NRXN3: variants seen among roughly 807,000 people sequenced by gnomAD.
NRXN3 encodes neurexin 3.
A neutral mutation model predicts 137.6 loss-of-function variants in NRXN3; 32 were observed. The ratio of observed to expected loss-of-function variants is 0.23; its 90% CI spans 0.18 to 0.31. NRXN3 has a LOEUF of 0.31. NRXN3 is among the 10% of genes least tolerant of loss of function. The probability of loss-of-function intolerance (pLI) is 1.00; values close to 1 mark genes in which losing one functional copy is unlikely to be tolerated. For missense variants in NRXN3, 1,574 were observed against 2,062.5 expected (o/e 0.76, Z 4.59); for synonymous variants, 798 against 784.5 (o/e 1.02, Z -0.29).
intron 14 of NRXN3, chr14:78,972,744 T>G (rs1013967738): frequency 6.6e-6 from 1 of 152,520 alleles, no homozygotes; most frequent in Non-Finnish European, 1.5e-5. Context: ...CTGGTGAACC[T>G]GTAGAGCATT....
At chr14:79,301,862 A>G (rs1386399056) in intron 15 of NRXN3, among the ~76,000 whole-genome samples, 1 of 151,932 alleles carries the variant, frequency 6.6e-6, no homozygotes, top group Non-Finnish European at 1.5e-5. Context: ...TGAAATAGGG[A>G]AACTGAGATG....
At chr14:78,399,222 T>A (rs896537858) in intron 4 of NRXN3, among the ~76,000 whole-genome samples, 2 of 152,172 alleles carry the variant, frequency 1.3e-5, no homozygotes, top group African/African-American at 4.8e-5. Context: ...TTTCTTATGG[T>A]TGTTTTATAT....
At chr14:78,715,622 T>G (rs183039658) in intron 8 of NRXN3, among the ~76,000 whole-genome samples, 4 of 151,978 alleles carry the variant, frequency 2.6e-5, no homozygotes, top group Non-Finnish European at 5.9e-5. Flanking sequence ...ACATGGTGAG[T>G]TTTATAAGAG....
At chr14:78,676,918 C>G (rs2152730845) in intron 6 of NRXN3, among the ~76,000 whole-genome samples, 1 of 152,222 alleles carries the variant, frequency 6.6e-6, no homozygotes, top group South Asian at 2.1e-4. Flanking sequence ...TGGATGAGAG[C>G]CCATCTGTTT....
intron 10 of NRXN3, among the ~76,000 whole-genome samples, chr14:78,878,932 T>C (rs1226881482): frequency 9.9e-5 from 15 of 152,090 alleles, no homozygotes; most frequent in Non-Finnish European, 1.9e-4. Context: ...TTAGATTTCA[T>C]ATATAAGCGA....
intron 15 of NRXN3, among the ~76,000 whole-genome samples, chr14:79,276,908 G>A (rs1158206227): frequency 2.0e-5 from 3 of 152,148 alleles, no homozygotes; most frequent in South Asian, 2.1e-4. Flanking sequence ...TACTGAGCCC[G>A]TATGATGTGC....
At chr14:79,341,334 G>C (rs1308660310) in intron 15 of NRXN3, among the ~76,000 whole-genome samples, 1 of 152,146 alleles carries the variant, frequency 6.6e-6, no homozygotes, top group African/African-American at 2.4e-5. Flanking sequence ...ATGGTAATGA[G>C]GGTAGGTGTG....
At chr14:78,846,103 C>T (rs1467003266) in intron 10 of NRXN3, among the ~76,000 whole-genome samples, 2 of 152,072 alleles carry the variant, frequency 1.3e-5, no homozygotes, top group Non-Finnish European at 2.9e-5. Context: ...TACTCATAAA[C>T]ATCCTATCTG....
chr14:78,918,105 G>T (rs1222142478), intron 10 of NRXN3, among the ~76,000 whole-genome samples: 1 of 151,356 alleles, frequency 6.6e-6, no homozygotes, highest in Non-Finnish European at 1.5e-5. Context: ...GACAAACATG[G>T]AGAAACCTCG....
chr14:78,894,277 T>G (rs898540424), intron 10 of NRXN3, among the ~76,000 whole-genome samples: 1 of 151,980 alleles, frequency 6.6e-6, no homozygotes. Context: ...TGCAGGTGCT[T>G]TATCAACTGA....
In NRXN3 at chr14:79,617,916, G is replaced by GAAAAAAAAAAAAAAAAAAAAAAAA. The variant is rs2098175722; in HGVS notation, c.3445-45862_3445-45861insAAAAAAAAAAAAAAAAAAAAAAAA. 3.1e-5 allele frequency among the ~76,000 whole-genome samples: 2 copies of GAAAAAAAAAAAAAAAAAAAAAAAA among 64,302 alleles called. 1 individual carries two copies. Among genetic ancestry groups the GAAAAAAAAAAAAAAAAAAAAAAAA allele is most frequent in the African/African-American group, 5.1e-4 (2 of 3,918 alleles). The allele number at this position is 64,302 out of a possible 152,430, so 42.2% of individuals were successfully genotyped here. On this transcript the variant is annotated intron_variant, in intron 16 of 20. Coordinates refer to ENST00000335750, the MANE Select transcript of NRXN3 (RefSeq NM_001330195.2). The stretch of plus-strand genomic sequence containing the variant: ...ATTCAGAGATAGGAGCTGAATAGCA[G>GAAAAAAAAAAAAAAAAAAAAAAAA]CAAAAAAAAAAAAAAACATGCTTAT...
chr14:79,234,642 A>T (rs1011508772), intron 15 of NRXN3, among the ~76,000 whole-genome samples: 2 of 151,746 alleles, frequency 1.3e-5, no homozygotes, highest in African/African-American at 4.8e-5. Flanking sequence ...TCGACCTCCC[A>T]ACATGCTGGG....
At chr14:78,923,726 A>G (rs1443813077) in intron 10 of NRXN3, among the ~76,000 whole-genome samples, 2 of 152,206 alleles carry the variant, frequency 1.3e-5, no homozygotes, top group African/African-American at 4.8e-5. Context: ...CATTTATTGT[A>G]CAACAGATAC....
chr14:78,981,561 TCTC>T (rs1434050910), intron 14 of NRXN3, among the ~76,000 whole-genome samples: 2 of 152,240 alleles, frequency 1.3e-5, no homozygotes, highest in Non-Finnish European at 2.9e-5. Flanking sequence ...ATTATGGAGA[TCTC>T]CTATGAGAAA....
At chr14:78,643,058 C>T (rs2097651072) in intron 4 of NRXN3, among the ~76,000 whole-genome samples, 1 of 152,178 alleles carries the variant, frequency 6.6e-6, no homozygotes, top group Non-Finnish European at 1.5e-5. Flanking sequence ...CTTTAACTCC[C>T]TGGAGTATGA....
chr14:78,301,328 C>T (rs1051574024), intron 4 of NRXN3, among the ~76,000 whole-genome samples: 3 of 152,070 alleles, frequency 2.0e-5, no homozygotes, highest in African/African-American at 7.2e-5. Context: ...AAAGAGATAA[C>T]GTAGGATTTT....
At chr14:79,238,646 C>G (rs2073823106) in intron 15 of NRXN3, among the ~76,000 whole-genome samples, 1 of 151,926 alleles carries the variant, frequency 6.6e-6, no homozygotes, top group Admixed American at 6.6e-5. Context: ...TACAAAGATC[C>G]TATAATATCA....
chr14:79,418,683 T>C (rs1357473530), intron 15 of NRXN3, among the ~76,000 whole-genome samples: 1 of 152,168 alleles, frequency 6.6e-6, no homozygotes, highest in East Asian at 1.9e-4. Context: ...GAGCCTATAC[T>C]CTTAAGAAGT....
rs891990989 is a variant in NRXN3, at chr14:78,951,593, C to A, written c.2276-5649C>A. 6.7e-4 allele frequency among the ~76,000 whole-genome samples: 102 copies of A among 152,206 alleles called. 1 individual carries two copies. Among genetic ancestry groups the A allele is most frequent in the African/African-American group, 2.4e-3 (99 of 41,530 alleles). ...TTTAGATAGGGTTGACAGAACTCAA[C>A]CCTATCTAAAATTATCTCATGTTCC... On this transcript the variant is annotated intron_variant, in intron 10 of 20. Transcript: ENST00000335750.
Sources: allele counts gnomAD v4.1 joint callset (sites outside exome capture counted in the v4.1 genomes callset), GRCh38; gene constraint gnomAD v4.1.1; transcripts MANE v1.5; gene names NCBI Gene and HGNC (gene_info 2026-07-23, HGNC 2026-07-21).